The following ARPP21 variants were observed in gnomAD, a reference collection of about 807,000 sequenced individuals.
The protein encoded by ARPP21 is cAMP regulated phosphoprotein 21.
ARPP21 carries 69 observed loss-of-function variants against 113.2 expected under a neutral mutation model. The ratio of observed to expected loss-of-function variants is 0.61; its 90% confidence interval spans 0.50 to 0.74. The LOEUF (loss-of-function observed/expected upper bound fraction) is 0.74. Ranked by LOEUF, ARPP21 falls within the 30% of genes least tolerant of loss-of-function variation. ARPP21 has a pLI of 0.00. For missense variants in ARPP21, 1,070 were observed against 1,037.4 expected, an observed-to-expected ratio of 1.03 and a Z score of -0.43; for synonymous variants, 368 against 375.5, an observed-to-expected ratio of 0.98 and a Z score of 0.23.
chr3:35,639,517 G>A (rs945171125), upstream of ARPP21: 2 of 152,592 alleles, frequency 1.3e-5, no homozygotes, highest in African/African-American at 4.8e-5. This position sits in a 1 kb window ranked among gnomAD's most constrained non-coding sequence, Gnocchi z 5.0. Context: ...ACGGACCGGC[G>A]GAGGGGCAGA....
chr3:35,681,827 A>G lies in ARPP21; in HGVS notation c.76A>G (p.Asn26Asp). The change falls in exon 3 of 21, where the codon AAC becomes GAC. Residue 26 changes from asparagine (N) to aspartate (D), a missense_variant. Coordinates refer to ENST00000684406, the MANE Select transcript of ARPP21 (RefSeq NM_001385562.1). ...GTEQETATPE[N>D]GIVKSESLDE... Reference sequence around the variant, plus strand: ...TGAGCAGGAGACGGCCACTCCAGAGAACGGCATTGTTAAATCAGAAAGTCT... The same window carrying G: ...TGAGCAGGAGACGGCCACTCCAGAGGACGGCATTGTTAAATCAGAAAGTCT... 6.2e-7 allele frequency: 1 copy of G among 1,612,174 alleles called. No individual in the cohort carries two copies. Among genetic ancestry groups the G allele is most frequent in the Non-Finnish European group, 8.5e-7 (1 of 1,178,822 alleles).
At position 35,684,292 on chromosome 3, in the gene ARPP21, T is replaced by C. The variant is rs1230772673; in HGVS notation, c.261+477T>C. Reference sequence around the variant, plus strand: ...GGTGCATTTAACTTTGGAGAAATACTTTTATGGCTTTGGTGGAGATTTCTC... The same window carrying C: ...GGTGCATTTAACTTTGGAGAAATACCTTTATGGCTTTGGTGGAGATTTCTC... On this transcript the variant is annotated intron_variant, in intron 5 of 20. Transcript: ENST00000684406. 8.0e-6 allele frequency: 9 copies of C among 1,131,500 alleles called. No homozygotes were observed. In the Admixed American group the frequency reaches 3.5e-4, roughly 44 times the overall value. 70.1% of individuals were successfully genotyped at this position (1,131,500 alleles called of 1,614,324 possible). A position where few individuals can be genotyped will look rare whatever the true frequency, so the allele number is the denominator to read the frequency against.
At chr3:35,678,641 A>ATTTTCAACAGTTTCAAATGTACTG (rs2078110222) in intron 1 of ARPP21, among the ~76,000 whole-genome samples, 1 of 151,938 alleles carries the variant, frequency 6.6e-6, no homozygotes, top group Non-Finnish European at 1.5e-5. Context: ...TGTACTACTG[A>ATTTTCAACAGTTTCAAATGTACTG]TTGCATTTTC....
intron 19 of ARPP21, among the ~76,000 whole-genome samples, chr3:35,766,200 G>T (rs1179151398): frequency 6.6e-6 from 1 of 152,034 alleles, no homozygotes; most frequent in Non-Finnish European, 1.5e-5. Context: ...AAACAAAATG[G>T]GAATTTTGAA....
rs571432557 is a variant in ARPP21 at position 35,704,076 on chromosome 3, T to C, written c.687-2898T>C. Among the ~76,000 whole-genome samples the C allele has an allele frequency of 7.2e-5, 11 of 151,990 alleles. No individual in the cohort carries two copies. In the East Asian group the frequency reaches 2.1e-3, roughly 29 times the overall value. On this transcript the variant is annotated intron_variant, in intron 9 of 20. Coordinates refer to ENST00000684406, the MANE Select transcript of ARPP21 (RefSeq NM_001385562.1). Reference sequence around the variant, plus strand: ...TAAAATCAACCTAGAAAAATTTTATTAGATTCACTTGAATTTTTAAGCAAA... The same window carrying C: ...TAAAATCAACCTAGAAAAATTTTATCAGATTCACTTGAATTTTTAAGCAAA...
rs116268462 is a variant in ARPP21 at position 35,780,004 on chromosome 3, A to G, written c.2138-12378A>G. The stretch of plus-strand genomic sequence containing the variant: ...AGAGGCAAAGGGGATAAGAGAAAGT[A>G]GTTACTGTCTGTCCAGATTTTTTTA... On this transcript the variant is annotated intron_variant, in intron 19 of 20. Coordinates refer to ENST00000684406, the MANE Select transcript of ARPP21 (RefSeq NM_001385562.1). 4.8e-3 allele frequency among the ~76,000 whole-genome samples: 727 copies of G among 152,324 alleles called. 5 individuals are homozygous for G. Among genetic ancestry groups the G allele is most frequent in the Non-Finnish European group, 6.2e-3 (421 of 68,030 alleles).
intron 1 of ARPP21, among the ~76,000 whole-genome samples, chr3:35,647,297 A>C (rs943631326): frequency 2.0e-5 from 3 of 152,184 alleles, no homozygotes; most frequent in African/African-American, 7.2e-5. Context: ...TCCCTCTAAT[A>C]GGGAAATTAT....
At chr3:35,720,822 C>CT in intron 13 of ARPP21, among the ~76,000 whole-genome samples, 1 of 152,298 alleles carries the variant, frequency 6.6e-6, no homozygotes, top group African/African-American at 2.4e-5. Context: ...TACATTTACT[C>CT]TTTTTTCTAT....
chr3:35,783,443 C>T (rs1184413571), intron 19 of ARPP21, among the ~76,000 whole-genome samples: 1 of 152,024 alleles, frequency 6.6e-6, no homozygotes. Flanking sequence ...TTCTTTCACC[C>T]CCTCCTTGCC....
chr3:35,656,669 G>T (rs1705087474), intron 1 of ARPP21, among the ~76,000 whole-genome samples: 1 of 151,970 alleles, frequency 6.6e-6, no homozygotes, highest in Admixed American at 6.6e-5. Context: ...AAAGGGAGGG[G>T]TGTCACTGTA....
intron 9 of ARPP21, 46 bp downstream of exon 9, chr3:35,691,051 T>A (rs759717942): frequency 6.4e-7 from 1 of 1,559,880 alleles, no homozygotes; most frequent in African/African-American, 1.4e-5. Flanking sequence ...TTTTCTCCTA[T>A]GGATTCATTT....
intron 19 of ARPP21, among the ~76,000 whole-genome samples, chr3:35,755,224 C>G (rs13326437): frequency 0.13 from 19,399 of 151,990 alleles, 1,363 homozygotes; most frequent in Non-Finnish European, 0.15. Context: ...TTGTCACCTA[C>G]ATCTATGAAC....
intron 19 of ARPP21, among the ~76,000 whole-genome samples, chr3:35,764,515 G>C (rs962310308): frequency 2.6e-5 from 4 of 152,062 alleles, no homozygotes; most frequent in Non-Finnish European, 5.9e-5. Flanking sequence ...GGATTCTTAT[G>C]TGCTTTCCTC....
chr3:35,696,890 T>C (rs2084259393), intron 9 of ARPP21, among the ~76,000 whole-genome samples: 1 of 151,598 alleles, frequency 6.6e-6, no homozygotes. Flanking sequence ...AGTTTCTCTC[T>C]CTTTTACTCA....
intron 9 of ARPP21, among the ~76,000 whole-genome samples, chr3:35,699,457 T>A (rs1256828337): frequency 3.3e-5 from 5 of 151,668 alleles, no homozygotes; most frequent in Admixed American, 2.0e-4. Context: ...AATAATAACA[T>A]GTTTTAATGT....
intron 18 of ARPP21, among the ~76,000 whole-genome samples, chr3:35,742,536 C>G (rs149235862): frequency 6.6e-6 from 1 of 152,208 alleles, no homozygotes; most frequent in Non-Finnish European, 1.5e-5. Flanking sequence ...GCCTCTTGCC[C>G]TTGAATATCC....
chr3:35,683,904 G>T, intron 5 of ARPP21, 89 bp downstream of exon 5: 2 of 983,966 alleles, frequency 2.0e-6, no homozygotes, highest in South Asian at 1.3e-5. Context: ...CAGTGTTTTG[G>T]GGGAGAAAAA....
chr3:35,788,964 C>G (rs573243355), intron 19 of ARPP21, among the ~76,000 whole-genome samples: 7 of 152,202 alleles, frequency 4.6e-5, no homozygotes, highest in East Asian at 3.9e-4. Flanking sequence ...ACCTTTTTAC[C>G]TCCAGAAAAT....
intron 19 of ARPP21, among the ~76,000 whole-genome samples, chr3:35,766,007 G>C (rs1207436351): frequency 6.6e-6 from 1 of 152,044 alleles, no homozygotes; most frequent in African/African-American, 2.4e-5. Context: ...ATGTAGCTCT[G>C]GGTACCATGT....
Sources: allele counts gnomAD v4.1 joint callset (sites outside exome capture counted in the v4.1 genomes callset), GRCh38; gene constraint gnomAD v4.1.1; non-coding constraint Gnocchi (gnomAD v3.1); transcripts MANE v1.5; gene names NCBI Gene and HGNC (gene_info 2026-07-23, HGNC 2026-07-21).